CLASP1: variants seen among roughly 807,000 people sequenced by gnomAD.
CLASP1 encodes cytoplasmic linker associated protein 1.
CLASP1 carries 38 observed loss-of-function variants against 192.3 expected under a neutral mutation model. The ratio of observed to expected loss-of-function variants is 0.20; its 90% CI spans 0.15 to 0.26. The LOEUF is 0.26. Among genes scored for constraint, CLASP1 ranks in the 10% least tolerant of loss-of-function variants. The pLI is 1.00. For missense variants in CLASP1, 1,433 were observed against 1,932.5 expected (o/e 0.74, Z 4.85); for synonymous variants, 691 against 712.8 (o/e 0.97, Z 0.49).
At chr2:121,466,399 T>C (rs2089589949) in intron 9 of CLASP1, among the ~76,000 whole-genome samples, 1 of 152,180 alleles carries the variant, frequency 6.6e-6, no homozygotes, top group Non-Finnish European at 1.5e-5. Context: ...ACCAATATTC[T>C]AGGGCCGGTT....
intron 7 of CLASP1, chr2:121,503,848 A>ATTTT (rs2093845074): frequency 6.6e-6 from 1 of 152,214 alleles, no homozygotes; most frequent in Non-Finnish European, 1.5e-5. Flanking sequence ...TTCCTTAACC[A>ATTTT]GTCTAAATAT....
intron 2 of CLASP1, among the ~76,000 whole-genome samples, chr2:121,545,038 A>C (rs2105062345): frequency 6.6e-6 from 1 of 151,880 alleles, no homozygotes; most frequent in African/African-American, 2.4e-5. Context: ...CAGCCTCCCG[A>C]GTAGCTGGGA....
At chr2:121,599,547 C>T (rs1191024888) in intron 2 of CLASP1, among the ~76,000 whole-genome samples, 1 of 141,536 alleles carries the variant, frequency 7.1e-6, no homozygotes, top group African/African-American at 2.7e-5. Flanking sequence ...TAGATTGCAC[C>T]ACTGCACTCC....
intron 34 of CLASP1, among the ~76,000 whole-genome samples, chr2:121,373,630 A>T (rs889006688): frequency 6.6e-6 from 1 of 152,212 alleles, no homozygotes. Context: ...GTCCAGGATG[A>T]GGTGGTCTCA....
At chr2:121,464,011 A>G (rs1453759369) in intron 9 of CLASP1, among the ~76,000 whole-genome samples, 1 of 110,152 alleles carries the variant, frequency 9.1e-6, no homozygotes, top group Non-Finnish European at 1.7e-5. Context: ...CCACCCCACA[A>G]CAGTCCCCAG....
At chr2:121,627,872 T>A (rs1480788315) in intron 1 of CLASP1, among the ~76,000 whole-genome samples, 1 of 152,186 alleles carries the variant, frequency 6.6e-6, no homozygotes, top group African/African-American at 2.4e-5. Context: ...AAAAATAATG[T>A]GGAACATCAC....
At chr2:121,498,203 T>C (rs865984801) in intron 8 of CLASP1, among the ~76,000 whole-genome samples, 9 of 140,002 alleles carry the variant, frequency 6.4e-5, no homozygotes, top group Middle Eastern at 7.0e-3. Context: ...AATAGTTTCT[T>C]TTTTTTTTTT....
intron 8 of CLASP1, among the ~76,000 whole-genome samples, chr2:121,472,943 G>A (rs2091013738): frequency 6.6e-6 from 1 of 152,182 alleles, no homozygotes; most frequent in Non-Finnish European, 1.5e-5. Context: ...TAGGCAGACC[G>A]CAAGTAACTT....
intron 21 of CLASP1, among the ~76,000 whole-genome samples, chr2:121,426,748 T>C (rs1385247339): frequency 1.3e-5 from 2 of 152,168 alleles, no homozygotes; most frequent in Non-Finnish European, 2.9e-5. Context: ...TGGCTGATAA[T>C]TTTTATTAAT....
chr2:121,593,074 A>G (rs752377395), intron 2 of CLASP1, among the ~76,000 whole-genome samples: 38 of 152,338 alleles, frequency 2.5e-4, no homozygotes, highest in Non-Finnish European at 4.7e-4. Context: ...GAAAGAGGGG[A>G]AAAAAGTAAC....
intron 6 of CLASP1, among the ~76,000 whole-genome samples, chr2:121,523,119 T>A (rs1198890413): frequency 2.0e-5 from 3 of 152,236 alleles, no homozygotes; most frequent in African/African-American, 4.8e-5. Flanking sequence ...AGGTCAGCTA[T>A]TACATGCAAA....
chr2:121,477,857 T>C (rs1465520491), intron 8 of CLASP1, among the ~76,000 whole-genome samples: 3 of 152,224 alleles, frequency 2.0e-5, no homozygotes, highest in Non-Finnish European at 2.9e-5. Flanking sequence ...TGGTTTTGCA[T>C]AGTCACATTA....
chr2:121,340,987 G>C, intron 39 of CLASP1, 40 bp from the exon 41 acceptor site: 2 of 1,390,592 alleles, frequency 1.4e-6, no homozygotes, highest in Non-Finnish European at 2.0e-6. Flanking sequence ...AGGAAGAAAA[G>C]CAATCAGAAA....
At chr2:121,418,671 G>A in exon 23 of CLASP1, 1 of 1,613,888 alleles carries the variant, frequency 6.2e-7, no homozygotes, top group South Asian at 1.1e-5. Flanking sequence ...TGCTCTCACG[G>A]CTGGTATCGC....
chr2:121,574,634 CA>C (rs1173756631), intron 2 of CLASP1, among the ~76,000 whole-genome samples: 18,967 of 78,854 alleles, frequency 0.24, 2,336 homozygotes, highest in African/African-American at 0.49. Context: ...GACTCCATAT[CA>C]AAAAAAAAAA....
chr2:121,515,862 T>C (rs769185712), intron 6 of CLASP1, 100 bp from the exon 7 acceptor site: 22 of 857,454 alleles, frequency 2.6e-5, no homozygotes, highest in Non-Finnish European at 4.3e-5. Flanking sequence ...TTATCACCAT[T>C]TTACCAGTGC....
At chr2:121,359,451 C>T (rs776497752) in intron 37 of CLASP1, among the ~76,000 whole-genome samples, 5 of 152,218 alleles carry the variant, frequency 3.3e-5, no homozygotes, top group African/African-American at 7.2e-5. Context: ...ATTTAATCCT[C>T]TCTTTTTAAT....
intron 22 of CLASP1, among the ~76,000 whole-genome samples, chr2:121,423,906 T>C (rs2079961043): frequency 6.6e-6 from 1 of 152,212 alleles, no homozygotes; most frequent in Admixed American, 6.5e-5. Flanking sequence ...CTTCAAAGAC[T>C]TTCATGAGCT....
chr2:121,531,121 C>G, intron 2 of CLASP1: 1 of 627,908 alleles, frequency 1.6e-6, no homozygotes, highest in Non-Finnish European at 2.9e-6. Context: ...TTTAGTGTCG[C>G]AAGTAAAGTT....
Sources: gnomAD v4.1 joint callset for allele counts (sites outside exome capture counted in the v4.1 genomes callset) on GRCh38, gnomAD v4.1.1 for gene constraint, MANE v1.5 for transcripts, NCBI Gene and HGNC (gene_info 2026-07-23, HGNC 2026-07-21) for gene names.